Variants in CNTN4 observed in about 807,000 individuals in gnomAD.
The protein encoded by CNTN4 is contactin 4.
In CNTN4, 77 loss-of-function variants were observed where a neutral mutation model predicts 122.5. That is an observed-to-expected ratio of 0.63 (90% CI 0.52 to 0.76). The LOEUF (loss-of-function observed/expected upper bound fraction) is 0.76. Ranked by LOEUF, CNTN4 falls within the 30% of genes least tolerant of loss-of-function variation. The pLI, the probability that CNTN4 is intolerant of heterozygous loss-of-function variation, is 0.00. For synonymous variants in CNTN4, 512 were observed against 447.0 expected (o/e 1.15, Z -1.83); for missense variants, 1,256 against 1,259.1 (o/e 1.00, Z 0.04).
intron 3 of CNTN4, among the ~76,000 whole-genome samples, chr3:2,437,074 G>A (rs1211488511): frequency 6.6e-6 from 1 of 152,054 alleles, no homozygotes; most frequent in East Asian, 1.9e-4. Flanking sequence ...GCTTGAGACA[G>A]ATTGTGTTAA....
intron 3 of CNTN4, among the ~76,000 whole-genome samples, chr3:2,503,529 T>A (rs1169843662): frequency 6.6e-6 from 1 of 152,158 alleles, no homozygotes; most frequent in East Asian, 1.9e-4. Flanking sequence ...GCAAGATAAG[T>A]ACTATCATTA....
At chr3:2,898,541 C>A (rs2094139290) in intron 10 of CNTN4, among the ~76,000 whole-genome samples, 2 of 152,184 alleles carry the variant, frequency 1.3e-5, no homozygotes, top group Non-Finnish European at 2.9e-5. Context: ...TTCTCTGCCT[C>A]ACCTGCTTCT....
chr3:2,369,824 C>A (rs944317827), intron 3 of CNTN4, among the ~76,000 whole-genome samples: 16 of 151,972 alleles, frequency 1.1e-4, no homozygotes, highest in African/African-American at 3.6e-4. Flanking sequence ...GATTTAGAAC[C>A]AGCTGCCTTT....
At chr3:2,530,054 G>C (rs1230244570) in intron 3 of CNTN4, among the ~76,000 whole-genome samples, 1 of 152,006 alleles carries the variant, frequency 6.6e-6, no homozygotes, top group Non-Finnish European at 1.5e-5. Flanking sequence ...CTTCCTCCCT[G>C]GCAGTGGAAT....
chr3:2,656,827 C>T (rs2083612120), intron 4 of CNTN4, among the ~76,000 whole-genome samples: 1 of 152,182 alleles, frequency 6.6e-6, no homozygotes, highest in South Asian at 2.1e-4. Flanking sequence ...ACCTTATCAG[C>T]TGTCTTCCTT....
At chr3:2,688,740 T>C (rs2149170411) in intron 4 of CNTN4, among the ~76,000 whole-genome samples, 1 of 152,332 alleles carries the variant, frequency 6.6e-6, no homozygotes, top group African/African-American at 2.4e-5. Flanking sequence ...ATTTCCCTAG[T>C]TAAGTGTTTC....
chr3:2,952,858 C>T (rs17648337), intron 13 of CNTN4, among the ~76,000 whole-genome samples: 10,763 of 152,232 alleles, frequency 0.071, 532 homozygotes, highest in Non-Finnish European at 0.099. Context: ...GGCATCTTCA[C>T]CAACATGGTT....
At chr3:2,102,686 C>A (rs2032084571) in intron 2 of CNTN4, among the ~76,000 whole-genome samples, 1 of 152,042 alleles carries the variant, frequency 6.6e-6, no homozygotes, top group Non-Finnish European at 1.5e-5. Flanking sequence ...ATGTTAATTG[C>A]CCAGAACTGG....
At chr3:2,587,229 A>G (rs2080243271) in intron 4 of CNTN4, among the ~76,000 whole-genome samples, 1 of 152,216 alleles carries the variant, frequency 6.6e-6, no homozygotes, top group Non-Finnish European at 1.5e-5. Context: ...CAGGGGAATT[A>G]TGATAATTCA....
At chr3:2,632,390 T>A (rs1294590545) in intron 4 of CNTN4, among the ~76,000 whole-genome samples, 1 of 152,194 alleles carries the variant, frequency 6.6e-6, no homozygotes, top group Non-Finnish European at 1.5e-5. Flanking sequence ...TGGCTGTTTT[T>A]CAGTTGAGCA....
At chr3:2,331,089 T>TGCAGATTGCCA (rs1466413070) in intron 2 of CNTN4, among the ~76,000 whole-genome samples, 2 of 152,188 alleles carry the variant, frequency 1.3e-5, no homozygotes, top group Admixed American at 1.3e-4. Context: ...TTTCTGGTTC[T>TGCAGATTGCCA]GCAGATTGCC....
At chr3:3,010,450 A>C (rs1697112352) in intron 14 of CNTN4, among the ~76,000 whole-genome samples, 2 of 131,184 alleles carry the variant, frequency 1.5e-5, no homozygotes, top group South Asian at 4.8e-4. Flanking sequence ...CTCTGTCTTT[A>C]TAGGCTTATG....
At chr3:3,036,895 G>A (rs964134932) in intron 17 of CNTN4, among the ~76,000 whole-genome samples, 1 of 152,222 alleles carries the variant, frequency 6.6e-6, no homozygotes, top group African/African-American at 2.4e-5. Flanking sequence ...ATGTGAAGGG[G>A]TGATAGTAAT....
At chr3:2,533,360 A>T (rs2077672435) in intron 3 of CNTN4, among the ~76,000 whole-genome samples, 1 of 151,272 alleles carries the variant, frequency 6.6e-6, no homozygotes, top group Non-Finnish European at 1.5e-5. Flanking sequence ...TTCAATTCCG[A>T]CCTATGAGTG....
At chr3:2,122,008 T>C (rs1006236944) in intron 2 of CNTN4, among the ~76,000 whole-genome samples, 6 of 138,554 alleles carry the variant, frequency 4.3e-5, no homozygotes, top group Non-Finnish European at 8.1e-5. Flanking sequence ...ACAAAAAAAT[T>C]AGCCGGGCGT....
chr3:2,405,362 G>T (rs1279359847), intron 3 of CNTN4, among the ~76,000 whole-genome samples: 3 of 152,122 alleles, frequency 2.0e-5, no homozygotes, highest in Non-Finnish European at 4.4e-5. Context: ...TGAAGTAGCT[G>T]ATTTCAAATC....
intron 6 of CNTN4, among the ~76,000 whole-genome samples, chr3:2,781,779 C>T (rs1332249303): frequency 9.0e-5 from 11 of 121,784 alleles, no homozygotes; most frequent in Non-Finnish European, 1.4e-4. Context: ...GGCTGGAGGG[C>T]AGTAGCGCGA....
At chr3:2,465,271 T>A (rs2075454638) in intron 3 of CNTN4, among the ~76,000 whole-genome samples, 1 of 152,218 alleles carries the variant, frequency 6.6e-6, no homozygotes, top group Admixed American at 6.5e-5. Flanking sequence ...TAACTAACTG[T>A]TCATCAATTT....
chr3:2,921,168 G>T (rs548770912), intron 12 of CNTN4, among the ~76,000 whole-genome samples: 31 of 152,210 alleles, frequency 2.0e-4, no homozygotes, highest in African/African-American at 7.2e-4. Context: ...TTTCCAAGAA[G>T]CAAGGGCTAC....
Sources: allele counts gnomAD v4.1 joint callset (sites outside exome capture counted in the v4.1 genomes callset), GRCh38; gene constraint gnomAD v4.1.1; transcripts MANE v1.5; gene names NCBI Gene and HGNC (gene_info 2026-07-23, HGNC 2026-07-21).